ARNT2: variants seen among roughly 807,000 people sequenced by gnomAD.
ARNT2 encodes the protein ARNT protein 2.
Under a neutral mutation model 91.7 loss-of-function variants are expected in ARNT2, and 36 were observed. That is an observed-to-expected ratio of 0.39 (90% CI 0.30 to 0.52). The LOEUF (loss-of-function observed/expected upper bound fraction) is 0.52, where lower values mean the gene tolerates loss of function less well. ARNT2 is among the 20% of genes least tolerant of loss of function. ARNT2 has a pLI of 0.72. For missense variants in ARNT2, 775 were observed against 939.3 expected (o/e 0.83, Z 2.29); for synonymous variants, 365 against 347.1 (o/e 1.05, Z -0.57).
intron 17 of ARNT2, among the ~76,000 whole-genome samples, chr15:80,586,749 G>C (rs1336236782): frequency 6.6e-6 from 1 of 151,238 alleles, no homozygotes; most frequent in African/African-American, 2.4e-5. Context: ...GCTGAGGCAG[G>C]AGAATTGCTT....
intron 8 of ARNT2, among the ~76,000 whole-genome samples, chr15:80,517,812 A>G (rs1566991711): frequency 6.6e-6 from 1 of 151,906 alleles, no homozygotes. Context: ...CTTCATTTCC[A>G]TCACAGTGTT....
chr15:80,475,319 C>A, intron 5 of ARNT2, 96 bp downstream of exon 5: 2 of 1,275,876 alleles, frequency 1.6e-6, no homozygotes, highest in Admixed American at 1.9e-5. Flanking sequence ...CTTTGGGAGG[C>A]TGAGGCGGGT....
chr15:80,525,867 G>T (rs1897632148), intron 8 of ARNT2, among the ~76,000 whole-genome samples: 1 of 152,196 alleles, frequency 6.6e-6, no homozygotes, highest in African/African-American at 2.4e-5. Context: ...ATGAGTTCAA[G>T]TTCCCTAATT....
chr15:80,585,391 T>G (rs1396978103), intron 17 of ARNT2, among the ~76,000 whole-genome samples: 1 of 152,108 alleles, frequency 6.6e-6, no homozygotes, highest in Admixed American at 6.5e-5. Flanking sequence ...CAGGAAAAAT[T>G]TAAAGATTTT....
At chr15:80,505,924 G>GTTTTTTTTTTTTTTTTTTTTTTT (rs1486880107) in intron 5 of ARNT2, among the ~76,000 whole-genome samples, 15 of 71,192 alleles carry the variant, frequency 2.1e-4, no homozygotes, top group African/African-American at 8.5e-4. Flanking sequence ...CCCAACATTT[G>GTTTTTTTTTTTTTTTTTTTTTTT]TTGTTTTTTT....
chr15:80,446,114 G>A (rs1305139524), intron 1 of ARNT2, among the ~76,000 whole-genome samples: 1 of 152,012 alleles, frequency 6.6e-6, no homozygotes, highest in Non-Finnish European at 1.5e-5. Flanking sequence ...CAGGAGGTGC[G>A]TTGCTATCCC....
chr15:80,524,866 C>T (rs1897614739), intron 8 of ARNT2, among the ~76,000 whole-genome samples: 2 of 147,398 alleles, frequency 1.4e-5, no homozygotes. Flanking sequence ...CAGAGCCAGA[C>T]TCTGTCTCAA....
chr15:80,563,270 A>C, intron 12 of ARNT2, 31 bp downstream of exon 12: 2 of 1,612,994 alleles, frequency 1.2e-6, no homozygotes, highest in Non-Finnish European at 1.7e-6. Context: ...CTCTCCTGGA[A>C]TCCACATGCG....
intron 5 of ARNT2, among the ~76,000 whole-genome samples, chr15:80,503,391 A>G (rs911874864): frequency 3.3e-5 from 5 of 152,248 alleles, no homozygotes; most frequent in African/African-American, 1.2e-4. Flanking sequence ...AGGAGCCTGA[A>G]GAGCGGCTTC....
intron 5 of ARNT2, among the ~76,000 whole-genome samples, chr15:80,483,140 C>T (rs916452593): frequency 1.3e-5 from 2 of 152,234 alleles, no homozygotes; most frequent in African/African-American, 4.8e-5. Context: ...ACTGCACTTG[C>T]ATCCATGAAG....
chr15:80,435,047 A>G (rs7180750), intron 1 of ARNT2, among the ~76,000 whole-genome samples: 35,424 of 151,820 alleles, frequency 0.23, 4,892 homozygotes, highest in African/African-American at 0.39. Context: ...CTCCCCTCCT[A>G]CCGGTTGTCG....
rs575892315 is a variant in ARNT2, at chr15:80,439,037, C to A, written c.32-11843C>A. ...AAGTTCTTGATAATTGATTTGCACA[C>A]AAATTTTGCATATAAAATTAATAGC... On this transcript the variant is annotated intron_variant, in intron 1 of 18. Transcript: ENST00000303329. Among the ~76,000 whole-genome samples the A allele has an allele frequency of 3.9e-5, 6 of 152,254 alleles. No homozygotes were observed. In the South Asian group the frequency reaches 1.2e-3, roughly 32 times the overall value.
chr15:80,411,543 T>C (rs1419862045), intron 1 of ARNT2, among the ~76,000 whole-genome samples: 1 of 152,240 alleles, frequency 6.6e-6, no homozygotes, highest in Non-Finnish European at 1.5e-5. Flanking sequence ...GATTTTGATC[T>C]GAAAATCCTA....
intron 8 of ARNT2, among the ~76,000 whole-genome samples, chr15:80,520,015 T>A (rs946190362): frequency 4.9e-4 from 74 of 150,618 alleles, no homozygotes; most frequent in Non-Finnish European, 5.9e-4. Context: ...TTTTTTTTTT[T>A]AAATCTTTGT....
chr15:80,458,245 A>G (rs1896506465), intron 3 of ARNT2, among the ~76,000 whole-genome samples: 1 of 152,176 alleles, frequency 6.6e-6, no homozygotes, highest in South Asian at 2.1e-4. Context: ...GATTCATTTT[A>G]AAAAGACAAT....
intron 1 of ARNT2, among the ~76,000 whole-genome samples, chr15:80,447,386 A>G (rs1206663382): frequency 6.6e-6 from 1 of 152,200 alleles, no homozygotes; most frequent in African/African-American, 2.4e-5. Flanking sequence ...AGGTATCCAA[A>G]GTGTGATTTC....
chr15:80,409,138 A>G (rs764368970), intron 1 of ARNT2, among the ~76,000 whole-genome samples: 1 of 152,204 alleles, frequency 6.6e-6, no homozygotes, highest in Non-Finnish European at 1.5e-5. Context: ...TAGACGTTCT[A>G]TGGGTTGGAC....
rs762054214 is a variant in ARNT2 at position 80,470,502 on chromosome 15, G to C, written c.408+71G>C. On this transcript the variant is annotated intron_variant, in intron 4 of 18. Transcript: ENST00000303329. ...GCGTCACCAAGACGAAATAAACTACGTGGGGAACCAGGGCTCAAGGTTGAG... is the reference window on the plus strand; with the variant it reads ...GCGTCACCAAGACGAAATAAACTACCTGGGGAACCAGGGCTCAAGGTTGAG... 8 of 1,518,028 alleles carry C rather than the reference G, an allele frequency of 5.3e-6. No homozygotes were observed. The Admixed American group carries it at 1.1e-4, about 20-fold the overall frequency. 94.0% of individuals were successfully genotyped at this position (1,518,028 alleles called of 1,614,324 possible).
chr15:80,468,591 C>T (rs1896690454), intron 3 of ARNT2, among the ~76,000 whole-genome samples: 1 of 152,158 alleles, frequency 6.6e-6, no homozygotes, highest in South Asian at 2.1e-4. Context: ...TCTCCCAGTT[C>T]CTCCTCCCTA....
Sources: allele counts gnomAD v4.1 joint callset (sites outside exome capture counted in the v4.1 genomes callset), GRCh38; gene constraint gnomAD v4.1.1; transcripts MANE v1.5; gene names NCBI Gene and HGNC (gene_info 2026-07-23, HGNC 2026-07-21).